GAB1: variants seen among roughly 807,000 people sequenced by gnomAD.
The protein encoded by GAB1 is GRB2-associated-binding protein 1.
Under a neutral mutation model 66.5 loss-of-function variants are expected in GAB1, and 19 were observed. The observed-to-expected ratio is 0.29, with a 90% CI of 0.20 to 0.42. The LOEUF (loss-of-function observed/expected upper bound fraction) is 0.42, where lower values mean the gene tolerates loss of function less well. Ranked by LOEUF, GAB1 falls within the 10% of genes least tolerant of loss-of-function variation. The probability of loss-of-function intolerance (pLI) is 1.00; values close to 1 mark genes in which losing one functional copy is unlikely to be tolerated. For synonymous variants in GAB1, 294 were observed against 301.4 expected (o/e 0.98, Z 0.25); for missense variants, 732 against 858.5 (o/e 0.85, Z 1.84).
chr4:143,346,742 G>A (rs1256043548), intron 1 of GAB1, among the ~76,000 whole-genome samples: 3 of 152,170 alleles, frequency 2.0e-5, no homozygotes, highest in Non-Finnish European at 2.9e-5. Context: ...AGGTTTAAAT[G>A]TTTGAAGTGT....
intron 1 of GAB1, 77 bp from the exon 2 acceptor site, chr4:143,415,400 C>T: frequency 1.8e-6 from 2 of 1,116,458 alleles, no homozygotes; most frequent in East Asian, 4.9e-5. Context: ...TTTGTAAAAT[C>T]AGTTTGATAA....
intron 2 of GAB1, among the ~76,000 whole-genome samples, chr4:143,418,040 T>A (rs1732790953): frequency 6.6e-6 from 1 of 152,170 alleles, no homozygotes; most frequent in African/African-American, 2.4e-5. Context: ...CTCTGGCCAG[T>A]CAGCAGCCCT....
intron 1 of GAB1, among the ~76,000 whole-genome samples, chr4:143,340,450 G>A (rs946671000): frequency 1.8e-4 from 27 of 152,062 alleles, no homozygotes; most frequent in African/African-American, 6.3e-4. Context: ...AGGGTAGTCC[G>A]AACACTGATT....
At chr4:143,415,892 C>T (rs966657820) in intron 2 of GAB1, 121 bp downstream of exon 2, 11 of 807,296 alleles carry the variant, frequency 1.4e-5, no homozygotes, top group Non-Finnish European at 2.0e-5. Flanking sequence ...ATAATAGGAA[C>T]TTGACATTTG....
intron 1 of GAB1, among the ~76,000 whole-genome samples, chr4:143,403,029 A>G (rs967562669): frequency 9.2e-5 from 14 of 152,218 alleles, no homozygotes; most frequent in African/African-American, 3.4e-4. Flanking sequence ...GGTTTCTAAC[A>G]TGTTGAAAGC....
intron 6 of GAB1, among the ~76,000 whole-genome samples, chr4:143,447,628 G>C (rs940710466): frequency 1.3e-4 from 20 of 152,118 alleles, no homozygotes; most frequent in Non-Finnish European, 2.9e-5. Context: ...GATTTTTGTA[G>C]ATTGATTTTG....
intron 6 of GAB1, among the ~76,000 whole-genome samples, chr4:143,442,086 C>G (rs564598472): frequency 1.6e-4 from 24 of 152,260 alleles, no homozygotes; most frequent in South Asian, 1.5e-3. Context: ...AACTACTAGT[C>G]ATTTTCTTTG....
chr4:143,441,019 C>T (rs1734200450), intron 6 of GAB1, among the ~76,000 whole-genome samples: 2 of 152,140 alleles, frequency 1.3e-5, no homozygotes, highest in African/African-American at 4.8e-5. Flanking sequence ...TCTTTCCATT[C>T]TGTTCATATA....
Position 143,337,183 on chromosome 4 carries a change from C to T in GAB1, c.-6C>T, listed in dbSNP as rs759658067. Reference sequence around the variant, plus strand: ...TGCCCGGCCCGGAGCCCGAGACGCGCGCACCATGAGCGGTGGTGAAGTGGT... The same window carrying T: ...TGCCCGGCCCGGAGCCCGAGACGCGTGCACCATGAGCGGTGGTGAAGTGGT... On this transcript the variant is annotated 5_prime_UTR_variant, in exon 1 of 10. Transcript: ENST00000262994. The T allele has an allele frequency of 6.4e-7, 1 of 1,573,870 alleles. No homozygotes were observed. The highest frequency in any genetic ancestry group is 8.6e-7 in the Non-Finnish European group (1 of 1,159,280).
intron 1 of GAB1, among the ~76,000 whole-genome samples, chr4:143,373,171 C>A (rs1314977305): frequency 6.6e-6 from 1 of 152,148 alleles, no homozygotes; most frequent in Non-Finnish European, 1.5e-5. Flanking sequence ...AAATATGTTA[C>A]CCAGCATCTC....
chr4:143,399,651 T>C (rs898616754), intron 1 of GAB1, among the ~76,000 whole-genome samples: 9 of 152,244 alleles, frequency 5.9e-5, no homozygotes, highest in African/African-American at 2.2e-4. Context: ...TCCTTCTCTA[T>C]ACTGTGGCGG....
Position 143,448,259 on chromosome 4 carries a change from G to T in GAB1, c.1585+7877G>T, listed in dbSNP as rs1307272131. Among the ~76,000 whole-genome samples, 52 of 151,582 alleles carry T rather than the reference G, an allele frequency of 3.4e-4. 1 individual carries two copies. The highest frequency in any genetic ancestry group is 1.2e-3 in the African/African-American group (50 of 41,142). ...TATTGATCTAAAATTCTCTTTTTTTGGTTGTGTCTCTGCCCGGCTTTGGTA... is the reference window on the plus strand; with the variant it reads ...TATTGATCTAAAATTCTCTTTTTTTTGTTGTGTCTCTGCCCGGCTTTGGTA... On this transcript the variant is annotated intron_variant, in intron 6 of 9. Coordinates refer to ENST00000262994, the MANE Select transcript of GAB1 (RefSeq NM_002039.4).
chr4:143,439,976 A>G lies in GAB1; in HGVS notation c.1281+89A>G. The G allele has an allele frequency of 2.8e-6, 4 of 1,412,684 alleles. No homozygotes were observed. The East Asian group carries it at 9.2e-5, about 32-fold the overall frequency. The allele number at this position is 1,412,684 out of a possible 1,614,324, so 87.5% of individuals were successfully genotyped here. Reference sequence around the variant, plus strand: ...CCATGAGACTAAGTGATATCATGAAATAAAAGTACGCTGAGATCCATATGA... The same window carrying G: ...CCATGAGACTAAGTGATATCATGAAGTAAAAGTACGCTGAGATCCATATGA... On this transcript the variant is annotated intron_variant, in intron 5 of 9. Transcript: ENST00000262994.
chr4:143,464,322 G>A (rs1407634268), intron 8 of GAB1, among the ~76,000 whole-genome samples: 1 of 151,974 alleles, frequency 6.6e-6, no homozygotes, highest in African/African-American at 2.4e-5. Flanking sequence ...CTCCGCCTCC[G>A]GGTTCAAGCG....
At chr4:143,387,342 G>C (rs1730966528) in intron 1 of GAB1, among the ~76,000 whole-genome samples, 5 of 152,252 alleles carry the variant, frequency 3.3e-5, no homozygotes, top group Non-Finnish European at 5.9e-5. Context: ...TGTTGGTCAG[G>C]CTGGTCTCAA....
At chr4:143,457,859 T>G in intron 6 of GAB1, 1 of 676,388 alleles carries the variant, frequency 1.5e-6, no homozygotes, top group Non-Finnish European at 2.5e-6. Flanking sequence ...AAGAAGAACC[T>G]TAAATACTAC....
intron 6 of GAB1, among the ~76,000 whole-genome samples, chr4:143,450,648 G>A (rs1734875256): frequency 6.6e-6 from 1 of 152,108 alleles, no homozygotes; most frequent in African/African-American, 2.4e-5. Flanking sequence ...CCAGCATCTG[G>A]GGAGACCGAG....
chr4:143,442,206 A>G lies in GAB1; in HGVS notation c.1585+1824A>G, dbSNP rs529492929. ...CATGAACTCTTTGAAATATTGAAAT[A>G]TCTTTTTTAATGTTAAACTGGTGCT... On this transcript the variant is annotated intron_variant, in intron 6 of 9. Transcript: ENST00000262994. Among the ~76,000 whole-genome samples, 10 of 152,354 alleles carry G rather than the reference A, an allele frequency of 6.6e-5. No homozygotes were observed. In the South Asian group the frequency reaches 2.1e-3, roughly 32 times the overall value.
chr4:143,441,890 A>G (rs1734262837), intron 6 of GAB1, among the ~76,000 whole-genome samples: 1 of 151,832 alleles, frequency 6.6e-6, no homozygotes, highest in Admixed American at 6.6e-5. Flanking sequence ...TTATTTACTC[A>G]CTTTAGATTG....
Sources: gnomAD v4.1 joint callset for allele counts (sites outside exome capture counted in the v4.1 genomes callset) on GRCh38, gnomAD v4.1.1 for gene constraint, MANE v1.5 for transcripts, NCBI Gene and HGNC (gene_info 2026-07-23, HGNC 2026-07-21) for gene names.